The following SMAP1 variants were observed in gnomAD, a reference collection of about 807,000 sequenced individuals.
SMAP1 encodes the protein stromal membrane-associated protein 1.
A neutral mutation model predicts 58.5 loss-of-function variants in SMAP1; 24 were observed. The observed-to-expected ratio is 0.41, with a 90% CI of 0.30 to 0.58. SMAP1 has a LOEUF of 0.58. Among genes scored for constraint, SMAP1 ranks in the 20% least tolerant of loss-of-function variants. SMAP1 has a pLI of 0.29. For missense variants in SMAP1, 563 were observed against 566.3 expected (o/e 0.99, Z 0.06); for synonymous variants, 216 against 196.6 (o/e 1.10, Z -0.82).
At chr6:70,689,087 C>T (rs116554929) in intron 1 of SMAP1, among the ~76,000 whole-genome samples, 114 of 152,128 alleles carry the variant, frequency 7.5e-4, no homozygotes, top group African/African-American at 2.7e-3. Flanking sequence ...GCATACCCTA[C>T]GTCCCAATCT....
At chr6:70,836,909 A>C (rs1379962449) in intron 6 of SMAP1, 32 bp from the exon 7 acceptor site, 1 of 1,488,182 alleles carries the variant, frequency 6.7e-7, no homozygotes, top group East Asian at 2.5e-5. Flanking sequence ...TTACTTAAGA[A>C]AAATTAATAA....
intron 4 of SMAP1, among the ~76,000 whole-genome samples, chr6:70,787,522 A>G (rs965349051): frequency 6.6e-6 from 1 of 152,084 alleles, no homozygotes; most frequent in Non-Finnish European, 1.5e-5. Context: ...AACCTACAAA[A>G]TGGGAGAAAA....
At chr6:70,787,383 G>T (rs1375003858) in intron 4 of SMAP1, among the ~76,000 whole-genome samples, 2 of 152,126 alleles carry the variant, frequency 1.3e-5, no homozygotes, top group Non-Finnish European at 1.5e-5. Flanking sequence ...CAGGACATAG[G>T]CATGGGCAAG....
chr6:70,761,779 A>C (rs577875133), intron 3 of SMAP1, among the ~76,000 whole-genome samples: 36 of 152,226 alleles, frequency 2.4e-4, no homozygotes, highest in African/African-American at 8.2e-4. Context: ...ATGAGATGAT[A>C]CTGGTTTTAT....
intron 2 of SMAP1, among the ~76,000 whole-genome samples, chr6:70,752,061 T>C (rs903588005): frequency 6.6e-6 from 1 of 152,214 alleles, no homozygotes; most frequent in Non-Finnish European, 1.5e-5. Context: ...GAGGTAACAC[T>C]TATAGCATCT....
At chr6:70,729,059 A>T (rs1263393778) in intron 1 of SMAP1, among the ~76,000 whole-genome samples, 1 of 151,288 alleles carries the variant, frequency 6.6e-6, no homozygotes, top group African/African-American at 2.4e-5. Context: ...CTCATTCTCT[A>T]CTTTTACTGC....
At chr6:70,730,166 C>T (rs1304338750) in intron 1 of SMAP1, among the ~76,000 whole-genome samples, 2 of 152,156 alleles carry the variant, frequency 1.3e-5, no homozygotes, top group Admixed American at 1.3e-4. Context: ...CCTTCTGCCT[C>T]AGCCTCCCAA....
At chr6:70,829,866 C>T (rs1055933196) in intron 6 of SMAP1, among the ~76,000 whole-genome samples, 2 of 152,072 alleles carry the variant, frequency 1.3e-5, no homozygotes, top group African/African-American at 4.8e-5. Context: ...AGTGAATCAC[C>T]TTCTAGAGGC....
intron 6 of SMAP1, among the ~76,000 whole-genome samples, chr6:70,809,214 C>T (rs1769282063): frequency 6.6e-6 from 1 of 152,036 alleles, no homozygotes; most frequent in Non-Finnish European, 1.5e-5. Flanking sequence ...ATAATACATA[C>T]TTACCAGCAT....
At chr6:70,687,593 G>A (rs1404674053) in intron 1 of SMAP1, among the ~76,000 whole-genome samples, 2 of 152,054 alleles carry the variant, frequency 1.3e-5, no homozygotes, top group Non-Finnish European at 2.9e-5. Context: ...GTTTGGGATG[G>A]AAGGAAAGCT....
At chr6:70,740,311 G>T (rs1287564541) in intron 2 of SMAP1, among the ~76,000 whole-genome samples, 2 of 152,074 alleles carry the variant, frequency 1.3e-5, no homozygotes, top group Non-Finnish European at 2.9e-5. Context: ...TATAATCCCA[G>T]CAATTTGGGA....
intron 6 of SMAP1, among the ~76,000 whole-genome samples, chr6:70,831,571 A>T (rs894575768): frequency 6.6e-6 from 1 of 152,170 alleles, no homozygotes; most frequent in Non-Finnish European, 1.5e-5. Flanking sequence ...CTCCAGCTCC[A>T]TCAGTGTTGC....
At chr6:70,763,106 C>CTTTTTTTTTTTTTT (rs35936929) in intron 3 of SMAP1, among the ~76,000 whole-genome samples, 10 of 84,470 alleles carry the variant, frequency 1.2e-4, no homozygotes, top group South Asian at 4.6e-4. Context: ...ACAGATATTA[C>CTTTTTTTTTTTTTT]TTTTTTTTTT....
intron 1 of SMAP1, among the ~76,000 whole-genome samples, chr6:70,705,977 T>C (rs1221565827): frequency 6.6e-6 from 1 of 152,186 alleles, no homozygotes; most frequent in African/African-American, 2.4e-5. Flanking sequence ...GAGTCCATTA[T>C]GATTGTGTAA....
At chr6:70,758,156 G>T (rs960951924) in intron 3 of SMAP1, among the ~76,000 whole-genome samples, 1 of 150,338 alleles carries the variant, frequency 6.7e-6, no homozygotes, top group Non-Finnish European at 1.5e-5. Flanking sequence ...TTAAGAAAAT[G>T]TGGCACATAT....
intron 1 of SMAP1, among the ~76,000 whole-genome samples, chr6:70,677,834 T>C (rs1313121366): frequency 6.6e-6 from 1 of 152,200 alleles, no homozygotes; most frequent in East Asian, 1.9e-4. Flanking sequence ...CTCATACAAC[T>C]CTTCCCCACA....
intron 1 of SMAP1, among the ~76,000 whole-genome samples, chr6:70,727,528 TA>T (rs1765233158): frequency 6.6e-6 from 1 of 152,216 alleles, no homozygotes; most frequent in South Asian, 2.1e-4. Context: ...CTATAACCAT[TA>T]TATGATTATT....
chr6:70,859,271 G>A, intron 10 of SMAP1: 1 of 1,263,858 alleles, frequency 7.9e-7, no homozygotes, highest in Admixed American at 2.5e-5. Context: ...AGCACACCCA[G>A]CTCAGGTTAA....
intron 1 of SMAP1, among the ~76,000 whole-genome samples, chr6:70,728,899 T>C (rs912250582): frequency 3.3e-5 from 5 of 152,338 alleles, no homozygotes; most frequent in African/African-American, 1.2e-4. Context: ...CTGCCTAATC[T>C]CTGAGGTTAC....
Sources: gnomAD v4.1 joint callset for allele counts (sites outside exome capture counted in the v4.1 genomes callset) on GRCh38, gnomAD v4.1.1 for gene constraint, MANE v1.5 for transcripts, NCBI Gene and HGNC (gene_info 2026-07-23, HGNC 2026-07-21) for gene names.